Variants in FOXN3 observed in about 807,000 individuals in gnomAD.
FOXN3 encodes the protein forkhead box N3.
In FOXN3, 7 loss-of-function variants were observed where a neutral mutation model predicts 38.4. The ratio of observed to expected loss-of-function variants is 0.18; its 90% CI spans 0.10 to 0.34. The LOEUF (loss-of-function observed/expected upper bound fraction) is 0.34, where lower values mean the gene tolerates loss of function less well. Among genes scored for constraint, FOXN3 ranks in the 10% least tolerant of loss-of-function variants. FOXN3 has a pLI of 1.00. For synonymous variants in FOXN3, 230 were observed against 242.2 expected (o/e 0.95, Z 0.47); for missense variants, 456 against 613.4 (o/e 0.74, Z 2.71).
chr14:89,213,330 G>C (rs1354410990), intron 4 of FOXN3, among the ~76,000 whole-genome samples: 1 of 152,212 alleles, frequency 6.6e-6, no homozygotes, highest in Non-Finnish European at 1.5e-5. Context: ...AAAGCCCCAA[G>C]ACAGGGGCTC....
At chr14:89,378,369 G>C (rs1325982038) in intron 2 of FOXN3, among the ~76,000 whole-genome samples, 1 of 152,184 alleles carries the variant, frequency 6.6e-6, no homozygotes, top group Non-Finnish European at 1.5e-5. Flanking sequence ...TGCACCCACA[G>C]GACTCCTTCT....
intron 1 of FOXN3, among the ~76,000 whole-genome samples, chr14:89,535,133 G>C (rs552092323): frequency 1.3e-5 from 2 of 151,742 alleles, no homozygotes; most frequent in Non-Finnish European, 2.9e-5. Context: ...TTCTCTTTAT[G>C]ATTCCATTAT....
intron 4 of FOXN3, among the ~76,000 whole-genome samples, chr14:89,183,221 T>A (rs948290784): frequency 2.6e-5 from 4 of 152,158 alleles, no homozygotes; most frequent in African/African-American, 9.7e-5. Flanking sequence ...TAGCCACAGG[T>A]TCAGTTGAAT....
At chr14:89,454,544 G>T (rs536761777) in intron 1 of FOXN3, among the ~76,000 whole-genome samples, 1 of 152,284 alleles carries the variant, frequency 6.6e-6, no homozygotes, top group African/African-American at 2.4e-5. Flanking sequence ...AGATTCATTT[G>T]TAACAGAGAA....
intron 1 of FOXN3, among the ~76,000 whole-genome samples, chr14:89,531,859 G>C (rs945649651): frequency 7.9e-5 from 12 of 152,148 alleles, no homozygotes; most frequent in African/African-American, 2.9e-4. Context: ...ACCCAGGCTG[G>C]AGTGCAGTGG....
At chr14:89,233,078 GC>G (rs1884867286) in intron 4 of FOXN3, among the ~76,000 whole-genome samples, 2 of 152,240 alleles carry the variant, frequency 1.3e-5, no homozygotes, top group East Asian at 3.9e-4. Context: ...ACATTCGAGG[GC>G]ATCCGACACA....
At chr14:89,353,818 C>G (rs1889080491) in intron 2 of FOXN3, 1 of 152,146 alleles carries the variant, frequency 6.6e-6, no homozygotes, top group Admixed American at 6.5e-5. Context: ...CAACCTCACC[C>G]TCCCAGGTTC....
rs572979940 is a variant in FOXN3 at position 89,440,312 on chromosome 14, GATACCAGA to G, written c.-14-27830_-14-27823del. Among the ~76,000 whole-genome samples the G allele has an allele frequency of 5.7e-3, 868 of 152,268 alleles. 5 individuals carry two copies. Among genetic ancestry groups the G allele is most frequent in the African/African-American group, 0.02 (827 of 41,548 alleles). The stretch of plus-strand genomic sequence containing the variant: ...CCTGGTAACCTTTATAGGCCTTGGG[GATACCAGA>G]ATATCTCAAACGCATGGAGCAGAGA... On this transcript the variant is annotated intron_variant, in intron 1 of 6. Coordinates refer to the FOXN3 transcript ENST00000345097.
chr14:89,185,725 C>G (rs771150504), intron 4 of FOXN3: 2 of 152,222 alleles, frequency 1.3e-5, no homozygotes, highest in Non-Finnish European at 2.9e-5. Flanking sequence ...CTGAGGCTCT[C>G]AGGATGAGGG....
At chr14:89,197,644 G>C (rs1361875495) in intron 4 of FOXN3, among the ~76,000 whole-genome samples, 1 of 152,170 alleles carries the variant, frequency 6.6e-6, no homozygotes, top group Admixed American at 6.5e-5. Context: ...TCTGCTCCTG[G>C]GTGAATCCAG....
chr14:89,196,623 C>G (rs1795660664), intron 4 of FOXN3, among the ~76,000 whole-genome samples: 1 of 152,198 alleles, frequency 6.6e-6, no homozygotes. Flanking sequence ...ACTCCAAAGA[C>G]CTTAGGGGCA....
intron 2 of FOXN3, chr14:89,409,552 C>T (rs970606135): frequency 1.3e-5 from 2 of 152,232 alleles, no homozygotes; most frequent in Admixed American, 6.5e-5. Flanking sequence ...ATGTCAAACA[C>T]GAAGATTCAA....
chr14:89,364,353 G>GTTTTGTTTTTGT (rs148973197), intron 2 of FOXN3: 7 of 149,576 alleles, frequency 4.7e-5, no homozygotes, highest in African/African-American at 1.7e-4. Flanking sequence ...TTGTTTTTTT[G>GTTTTGTTTTTGT]TTTTGTTTTT....
At chr14:89,423,731 G>C (rs889689056) in intron 1 of FOXN3, among the ~76,000 whole-genome samples, 3 of 152,212 alleles carry the variant, frequency 2.0e-5, no homozygotes, top group Non-Finnish European at 4.4e-5. Flanking sequence ...CAGAATGGCA[G>C]AGACTTAAAA....
chr14:89,414,911 G>T (rs1487884819), intron 1 of FOXN3, among the ~76,000 whole-genome samples: 1 of 152,156 alleles, frequency 6.6e-6, no homozygotes, highest in East Asian at 1.9e-4. Context: ...GACCAGGCAG[G>T]ATGCTCCAGA....
intron 3 of FOXN3, among the ~76,000 whole-genome samples, chr14:89,293,050 A>G (rs1453490107): frequency 6.6e-6 from 1 of 152,078 alleles, no homozygotes; most frequent in Non-Finnish European, 1.5e-5. Context: ...GAGCATTCCT[A>G]GAGTTCTAGC....
In FOXN3 at chr14:89,233,487, TAA is replaced by T. The variant is rs1422685556; in HGVS notation, c.745+47461_745+47462del. ...AAAATTATTTTTCAGTGACACATAG[TAA>T]AACTAAGTATCTATGAATTTTTAAA... is the stretch of plus-strand genomic sequence containing the variant. On this transcript the variant is annotated intron_variant, in intron 4 of 5. Transcript: ENST00000557258. Among the ~76,000 whole-genome samples, 6 of 152,370 alleles carry T rather than the reference TAA, an allele frequency of 3.9e-5. No homozygotes were observed. In the East Asian group the frequency reaches 9.6e-4, roughly 24 times the overall value.
intron 3 of FOXN3, among the ~76,000 whole-genome samples, chr14:89,321,683 A>G (rs1887902026): frequency 6.6e-6 from 1 of 152,174 alleles, no homozygotes; most frequent in African/African-American, 2.4e-5. Context: ...CGTTCTTTCA[A>G]AAGAGGTTGT....
intron 1 of FOXN3, among the ~76,000 whole-genome samples, chr14:89,457,244 G>T (rs1261892529): frequency 6.6e-6 from 1 of 152,190 alleles, no homozygotes; most frequent in Non-Finnish European, 1.5e-5. Context: ...TTCACGGAGT[G>T]CCTGTAAAGG....
Sources: allele counts gnomAD v4.1 joint callset (sites outside exome capture counted in the v4.1 genomes callset), GRCh38; gene constraint gnomAD v4.1.1; transcripts MANE v1.5; gene names NCBI Gene and HGNC (gene_info 2026-07-23, HGNC 2026-07-21).